The following ZNF521 variants were observed in gnomAD, a reference collection of about 807,000 sequenced individuals.
ZNF521 encodes LYST-interacting protein 3.
Under a neutral mutation model 105.5 loss-of-function variants are expected in ZNF521, and 14 were observed. The ratio of observed to expected loss-of-function variants is 0.13; its 90% CI spans 0.09 to 0.21. ZNF521 has a LOEUF of 0.21. Among genes scored for constraint, ZNF521 ranks in the 10% least tolerant of loss-of-function variants. The pLI is 1.00. For missense variants in ZNF521, 1,233 were observed against 1,629.7 expected (o/e 0.76, Z 4.19); for synonymous variants, 635 against 606.0 (o/e 1.05, Z -0.70).
At chr18:25,200,760 C>A (rs2035979073) in intron 4 of ZNF521, among the ~76,000 whole-genome samples, 3 of 152,098 alleles carry the variant, frequency 2.0e-5, no homozygotes, top group Admixed American at 2.0e-4. Context: ...TCCTATCTAG[C>A]AAAGCTTTTA....
chr18:25,140,748 A>T (rs2034831284), intron 5 of ZNF521, among the ~76,000 whole-genome samples: 1 of 152,196 alleles, frequency 6.6e-6, no homozygotes, highest in Non-Finnish European at 1.5e-5. Context: ...GAGGGAGGGC[A>T]TTTGTATTGG....
chr18:25,283,644 TA>T (rs1180764062), intron 3 of ZNF521, among the ~76,000 whole-genome samples: 1 of 152,198 alleles, frequency 6.6e-6, no homozygotes, highest in Non-Finnish European at 1.5e-5. Flanking sequence ...TAGCTGAACA[TA>T]AACTTAAATG....
intron 3 of ZNF521, among the ~76,000 whole-genome samples, chr18:25,266,518 C>T (rs553007425): frequency 3.3e-5 from 5 of 152,098 alleles, no homozygotes; most frequent in South Asian, 2.1e-4. Flanking sequence ...ACACAGAAGG[C>T]GGGTGATTTC....
At chr18:25,304,455 T>C (rs1174572203) in intron 3 of ZNF521, among the ~76,000 whole-genome samples, 2 of 152,196 alleles carry the variant, frequency 1.3e-5, no homozygotes, top group African/African-American at 4.8e-5. Context: ...TTACATTCGG[T>C]TTTTTGTGTG....
At chr18:25,346,223 T>G (rs1478588032) in intron 2 of ZNF521, among the ~76,000 whole-genome samples, 2 of 152,088 alleles carry the variant, frequency 1.3e-5, no homozygotes, top group Non-Finnish European at 2.9e-5. Context: ...AAACTCAATC[T>G]TTACTGATGA....
Position 25,177,706 on chromosome 18 carries a change from T to C in ZNF521, c.3658+17454A>G, listed in dbSNP as rs77994701. ...TTTTTAGCTAGGCAAAAATATCGTCTGTAATAAAAACTAAAATCAGTTTGC... is the reference window on the plus strand; with the variant it reads ...TTTTTAGCTAGGCAAAAATATCGTCCGTAATAAAAACTAAAATCAGTTTGC... On this transcript the variant is annotated intron_variant, in intron 5 of 7. Coordinates refer to ENST00000361524, the MANE Select transcript of ZNF521 (RefSeq NM_015461.3). 5.5e-3 allele frequency among the ~76,000 whole-genome samples: 834 copies of C among 152,288 alleles called. 8 individuals are homozygous for C. The highest frequency in any genetic ancestry group is 0.019 in the African/African-American group (776 of 41,558).
At chr18:25,194,276 T>A (rs9949379) in intron 5 of ZNF521, among the ~76,000 whole-genome samples, 4,976 of 151,730 alleles carry the variant, frequency 0.033, 103 homozygotes, top group South Asian at 0.074. Context: ...GAGTATGAAA[T>A]AGAAAACTCA....
chr18:25,161,280 A>T (rs1035742865), intron 5 of ZNF521, among the ~76,000 whole-genome samples: 2 of 152,116 alleles, frequency 1.3e-5, no homozygotes, highest in African/African-American at 4.8e-5. Context: ...GTTTGGACAC[A>T]TTTCCTTCAA....
At chr18:25,224,251 C>T (rs1384391336) in intron 4 of ZNF521, 94 bp downstream of exon 4, 9 of 1,184,422 alleles carry the variant, frequency 7.6e-6, no homozygotes, top group Non-Finnish European at 9.5e-6. Context: ...TCTTTTGGCC[C>T]ATGACAATAA....
intron 2 of ZNF521, among the ~76,000 whole-genome samples, chr18:25,349,717 G>A (rs1463595301): frequency 6.6e-6 from 1 of 151,534 alleles, no homozygotes; most frequent in Non-Finnish European, 1.5e-5. Context: ...CAGCCAGGAG[G>A]AAGAGGATGC....
intron 3 of ZNF521, among the ~76,000 whole-genome samples, chr18:25,276,840 T>G (rs1231570476): frequency 6.6e-6 from 1 of 152,238 alleles, no homozygotes; most frequent in African/African-American, 2.4e-5. Flanking sequence ...TGATGGTTCA[T>G]TCTAAACTGA....
At chr18:25,290,075 A>T (rs1396227201) in intron 3 of ZNF521, among the ~76,000 whole-genome samples, 7 of 152,246 alleles carry the variant, frequency 4.6e-5, no homozygotes, top group Non-Finnish European at 8.8e-5. Context: ...GATGAATAAA[A>T]TTAAAACTGC....
intron 5 of ZNF521, among the ~76,000 whole-genome samples, chr18:25,130,186 A>G (rs2034614227): frequency 6.6e-6 from 1 of 152,228 alleles, no homozygotes; most frequent in Non-Finnish European, 1.5e-5. Context: ...TCAAGTCATG[A>G]AACACATGGA....
intron 7 of ZNF521, among the ~76,000 whole-genome samples, chr18:25,085,951 C>G (rs1259511694): frequency 6.6e-6 from 1 of 151,944 alleles, no homozygotes; most frequent in Non-Finnish European, 1.5e-5. Flanking sequence ...TTATTCTCAC[C>G]TTGATAGAAA....
intron 5 of ZNF521, among the ~76,000 whole-genome samples, chr18:25,129,459 T>C (rs2034600598): frequency 6.6e-6 from 1 of 151,588 alleles, no homozygotes; most frequent in Non-Finnish European, 1.5e-5. Flanking sequence ...AAAAGCATGA[T>C]CCATGAAAGA....
intron 4 of ZNF521, among the ~76,000 whole-genome samples, chr18:25,209,264 T>G (rs1222526194): frequency 6.6e-6 from 1 of 152,040 alleles, no homozygotes; most frequent in Admixed American, 6.6e-5. Context: ...CCTGAGTAGC[T>G]GGGACTACAG....
chr18:25,303,882 C>A (rs939116298), intron 3 of ZNF521, among the ~76,000 whole-genome samples: 1 of 152,158 alleles, frequency 6.6e-6, no homozygotes. Context: ...CATGTCAATA[C>A]AGAAATAGGT....
intron 4 of ZNF521, among the ~76,000 whole-genome samples, chr18:25,215,856 C>T (rs554622171): frequency 1.3e-5 from 2 of 152,164 alleles, no homozygotes; most frequent in Admixed American, 6.5e-5. Flanking sequence ...GTGCCAGGGC[C>T]GTTGACTCCC....
intron 7 of ZNF521, among the ~76,000 whole-genome samples, chr18:25,071,882 C>G (rs996744098): frequency 6.6e-6 from 1 of 152,086 alleles, no homozygotes; most frequent in Non-Finnish European, 1.5e-5. Context: ...GTCACACATG[C>G]CTGGTGCGGG....
Sources: allele counts gnomAD v4.1 joint callset (sites outside exome capture counted in the v4.1 genomes callset), GRCh38; gene constraint gnomAD v4.1.1; transcripts MANE v1.5; gene names NCBI Gene and HGNC (gene_info 2026-07-23, HGNC 2026-07-21).